USP43: variants seen among roughly 807,000 people sequenced by gnomAD.
USP43 encodes ubiquitin carboxyl-terminal hydrolase 43.
In USP43, 33 loss-of-function variants were observed where a neutral mutation model predicts 90.7. That is an observed-to-expected ratio of 0.36 (90% confidence interval 0.28 to 0.49). USP43 has a LOEUF of 0.49. USP43 is among the 20% of genes least tolerant of loss of function. The pLI, the probability that USP43 is intolerant of heterozygous loss-of-function variation, is 0.98. For missense variants in USP43, 1,274 were observed against 1,476.4 expected (o/e 0.86, Z 2.25); for synonymous variants, 598 against 615.8 (o/e 0.97, Z 0.43).
intron 9 of USP43, among the ~76,000 whole-genome samples, chr17:9,699,105 G>T (rs976720287): frequency 2.0e-5 from 3 of 152,346 alleles, no homozygotes; most frequent in South Asian, 2.1e-4. Context: ...AGGCATGGGT[G>T]GGGGAGAATG....
intron 9 of USP43, among the ~76,000 whole-genome samples, chr17:9,696,970 A>G (rs1915305973): frequency 6.6e-6 from 1 of 152,346 alleles, no homozygotes; most frequent in African/African-American, 2.4e-5. Context: ...TAATCCCAGC[A>G]CTTGGGGAGG....
At chr17:9,646,960 T>C (rs1198502134) in intron 1 of USP43, 2 of 149,746 alleles carry the variant, frequency 1.3e-5, no homozygotes, top group Non-Finnish European at 3.0e-5. Flanking sequence ...GCTTTGTAAA[T>C]TGTTTGTATC....
chr17:9,707,250 A>G (rs1482174288), intron 12 of USP43, among the ~76,000 whole-genome samples: 3 of 152,238 alleles, frequency 2.0e-5, no homozygotes, highest in Non-Finnish European at 4.4e-5. Flanking sequence ...ATGTGTACAT[A>G]CATAGATTAA....
chr17:9,689,028 C>G (rs1265209211), intron 8 of USP43, among the ~76,000 whole-genome samples: 1 of 152,080 alleles, frequency 6.6e-6, no homozygotes, highest in African/African-American at 2.4e-5. Flanking sequence ...ATCAATGGGG[C>G]CAGCAAAATA....
chr17:9,680,772 A>G (rs944410175), intron 6 of USP43, among the ~76,000 whole-genome samples: 1 of 152,010 alleles, frequency 6.6e-6, no homozygotes, highest in Non-Finnish European at 1.5e-5. Flanking sequence ...TGCCGTCAGG[A>G]TTCCTATGGG....
At chr17:9,724,458 T>A (rs948353735) in intron 14 of USP43, among the ~76,000 whole-genome samples, 3 of 152,096 alleles carry the variant, frequency 2.0e-5, no homozygotes, top group Non-Finnish European at 4.4e-5. Context: ...GGCGGGTGGA[T>A]CACCTGAGGT....
chr17:9,701,843 G>A lies in USP43; in HGVS notation c.2011+143G>A, dbSNP rs1043636130. 2 of 725,366 alleles carry A rather than the reference G, an allele frequency of 2.8e-6. No homozygotes were observed. Among genetic ancestry groups the A allele is most frequent in the Non-Finnish European group, 4.3e-6 (2 of 461,068 alleles). The allele number at this position is 725,366 out of a possible 1,614,324, so 44.9% of individuals were successfully genotyped here. A position where few individuals can be genotyped will look rare whatever the true frequency, so the allele number is the denominator to read the frequency against. On this transcript the variant is annotated intron_variant, in intron 12 of 14. Coordinates refer to ENST00000285199, the MANE Select transcript of USP43 (RefSeq NM_153210.5). This position sits in a 1 kb window ranked among gnomAD's most constrained non-coding sequence, Gnocchi z 7.2. ...CACCCACCGCACACCAGGAAGATGA[G>A]GATGAGGAAAACAAAGATGAATAAG...
chr17:9,701,448 A>G lies in USP43; in HGVS notation c.1759A>G (p.Ile587Val). The G allele has an allele frequency of 1.9e-6, 3 of 1,596,672 alleles. No individual in the cohort carries two copies. The highest frequency in any genetic ancestry group is 3.3e-4 in the Middle Eastern group (2 of 6,040). Reference protein sequence around the residue: ...SLWTLPDILIIHLKRFCQVGE... With the variant: ...SLWTLPDILIVHLKRFCQVGE... ...GTGGACGCTGCCTGACATCCTCATCATCCACCTCAAAAGGTTCTGCCAGGT... is the reference window on the plus strand; with the variant it reads ...GTGGACGCTGCCTGACATCCTCATCGTCCACCTCAAAAGGTTCTGCCAGGT... The change falls in exon 12 of 15, where the codon ATC becomes GTC. Residue 587 changes from isoleucine to valine, a missense_variant. Ile to Val is a conservative substitution (Grantham distance 29). This residue lies in a region of USP43 where 12 missense variants were observed against 40.8 expected (regional missense o/e 0.29). Coordinates refer to ENST00000285199, the MANE Select transcript of USP43 (RefSeq NM_153210.5). This position sits in a 1 kb window ranked among gnomAD's most constrained non-coding sequence, Gnocchi z 7.2.
chr17:9,693,040 A>T, intron 8 of USP43, 87 bp from the exon 9 acceptor site: 1 of 923,402 alleles, frequency 1.1e-6, no homozygotes. Context: ...TAATGATTAT[A>T]TTTTTTAATG....
chr17:9,713,645 G>A (rs1916331960), intron 14 of USP43, among the ~76,000 whole-genome samples: 1 of 152,168 alleles, frequency 6.6e-6, no homozygotes, highest in Admixed American at 6.5e-5. Context: ...GGAGACAGTG[G>A]TGGTTTGAAC....
At chr17:9,675,115 A>G (rs140202279) in intron 4 of USP43, 132 bp downstream of exon 4, 3 of 766,698 alleles carry the variant, frequency 3.9e-6, no homozygotes, top group Non-Finnish European at 6.8e-6. Flanking sequence ...AACCAGCCTT[A>G]TAGCTGGATG....
chr17:9,659,487 T>C (rs1912495460), intron 2 of USP43, among the ~76,000 whole-genome samples: 1 of 152,226 alleles, frequency 6.6e-6, no homozygotes, highest in African/African-American at 2.4e-5. Context: ...CCTAAAGCTT[T>C]CCTCATGCTT....
chr17:9,650,060 C>G (rs919248092), intron 1 of USP43, among the ~76,000 whole-genome samples: 1 of 152,134 alleles, frequency 6.6e-6, no homozygotes, highest in Admixed American at 6.6e-5. Context: ...ATGCCTTCTT[C>G]ACCACTCTTA....
chr17:9,681,874 G>A (rs1914311390), intron 6 of USP43, among the ~76,000 whole-genome samples: 2 of 152,216 alleles, frequency 1.3e-5, no homozygotes, highest in East Asian at 1.9e-4. Context: ...CCACATTTTG[G>A]CCAGCCTAGG....
chr17:9,647,376 A>G (rs1395668052), intron 1 of USP43: 1 of 152,202 alleles, frequency 6.6e-6, no homozygotes, highest in Non-Finnish European at 1.5e-5. Context: ...TTGCTTTTTA[A>G]GAAAGAGGCA....
intron 1 of USP43, among the ~76,000 whole-genome samples, chr17:9,647,274 C>T (rs1911497379): frequency 1.3e-5 from 2 of 152,052 alleles, no homozygotes; most frequent in African/African-American, 4.8e-5. Context: ...CCAACCCCCA[C>T]CTTCCTCCCT....
intron 12 of USP43, among the ~76,000 whole-genome samples, chr17:9,704,267 G>GAC (rs1486082082): frequency 7.2e-6 from 1 of 139,708 alleles, no homozygotes; most frequent in African/African-American, 3.2e-5. Context: ...TGTGTCTGCA[G>GAC]ACGTGATCTT....
rs1200800403 is a variant in USP43 at position 9,710,021 on chromosome 17, C to A, written c.2077C>A (p.Arg693=). 2 of 1,572,880 alleles carry A rather than the reference C, an allele frequency of 1.3e-6. No individual in the cohort carries two copies. The highest frequency in any genetic ancestry group is 1.7e-6 in the Non-Finnish European group (2 of 1,159,296). Residue 693 remains arginine (R), a synonymous_variant, in exon 13 of 15, where the codon CGA becomes AGA. Coordinates refer to ENST00000285199, the MANE Select transcript of USP43 (RefSeq NM_153210.5). Reference sequence around the variant, plus strand: ...TGATGACAGCACGGTGGAACCGCTTCGAGAAGATGAGGTCAACACCAGAGG... The same window carrying A: ...TGATGACAGCACGGTGGAACCGCTTAGAGAAGATGAGGTCAACACCAGAGG... The part of the protein sequence containing the change: ...SYDDSTVEPL[R]EDEVNTRGAY...
intron 6 of USP43, among the ~76,000 whole-genome samples, chr17:9,681,323 TATATATAAATAA>T: frequency 9.0e-6 from 1 of 110,712 alleles, no homozygotes; most frequent in Non-Finnish European, 1.7e-5. Context: ...TATATAAATA[TATATATAAATAA>T]ATATATATAT....
Sources: gnomAD v4.1 joint callset for allele counts (sites outside exome capture counted in the v4.1 genomes callset) on GRCh38, gnomAD v4.1.1 for gene constraint, gnomAD v4.1.1 regional missense constraint, Gnocchi (gnomAD v3.1) non-coding constraint, MANE v1.5 for transcripts, NCBI Gene and HGNC (gene_info 2026-07-23, HGNC 2026-07-21) for gene names.